Variants in TLE4 observed in about 807,000 individuals in gnomAD.
The protein encoded by TLE4 is transducin-like enhancer protein 4.
Under a neutral mutation model 92.8 loss-of-function variants are expected in TLE4, and 8 were observed. The ratio of observed to expected loss-of-function variants is 0.09; its 90% confidence interval spans 0.05 to 0.16. The LOEUF is 0.16. Ranked by LOEUF, TLE4 falls within the 10% of genes least tolerant of loss-of-function variation. The probability of loss-of-function intolerance (pLI) is 1.00; values close to 1 mark genes in which losing one functional copy is unlikely to be tolerated. For synonymous variants in TLE4, 371 were observed against 374.1 expected (o/e 0.99, Z 0.10); for missense variants, 675 against 997.6 (o/e 0.68, Z 4.36).
intron 6 of TLE4, among the ~76,000 whole-genome samples, chr9:79,651,285 G>A (rs2058938887): frequency 6.6e-6 from 1 of 152,118 alleles, no homozygotes; most frequent in Admixed American, 6.6e-5. Context: ...TTCCTATTGA[G>A]TAATACATTT....
At chr9:79,655,993 C>G (rs1251947445) in intron 8 of TLE4, among the ~76,000 whole-genome samples, 1 of 152,124 alleles carries the variant, frequency 6.6e-6, no homozygotes, top group South Asian at 2.1e-4. Flanking sequence ...AAATGAGTAT[C>G]TGTATAGCTA....
intron 4 of TLE4, among the ~76,000 whole-genome samples, chr9:79,606,377 T>G (rs2046974574): frequency 1.3e-5 from 2 of 149,846 alleles, no homozygotes; most frequent in African/African-American, 4.9e-5. Context: ...GTGTGTGTTT[T>G]TTTTTTTTTT....
intron 8 of TLE4, among the ~76,000 whole-genome samples, chr9:79,683,335 C>A (rs910255720): frequency 6.6e-6 from 1 of 152,064 alleles, no homozygotes; most frequent in Non-Finnish European, 1.5e-5. Flanking sequence ...TGGTTTATGT[C>A]CCCTTTTTGA....
intron 8 of TLE4, among the ~76,000 whole-genome samples, chr9:79,667,748 C>T (rs1236848532): frequency 6.6e-6 from 1 of 152,136 alleles, no homozygotes; most frequent in East Asian, 1.9e-4. Flanking sequence ...TACACGACCC[C>T]ACCCTCAATC....
At chr9:79,712,305 C>T (rs1002305699) in intron 14 of TLE4, among the ~76,000 whole-genome samples, 8 of 152,020 alleles carry the variant, frequency 5.3e-5, no homozygotes, top group East Asian at 1.9e-4. Flanking sequence ...AGCATGAAGA[C>T]GTATAAAGTT....
At chr9:79,696,418 G>T (rs944063062) in intron 8 of TLE4, among the ~76,000 whole-genome samples, 1 of 152,136 alleles carries the variant, frequency 6.6e-6, no homozygotes, top group African/African-American at 2.4e-5. Context: ...TAGCCCTTTT[G>T]TGGTGATATG....
chr9:79,604,471 G>A (rs954556883), intron 4 of TLE4, among the ~76,000 whole-genome samples: 2 of 152,148 alleles, frequency 1.3e-5, no homozygotes, highest in African/African-American at 4.8e-5. Context: ...GGATTGTAAG[G>A]ATGTTTTGGT....
chr9:79,649,056 C>T (rs2058522252), intron 6 of TLE4, among the ~76,000 whole-genome samples: 1 of 152,124 alleles, frequency 6.6e-6, no homozygotes, highest in African/African-American at 2.4e-5. Context: ...CTGTCTATGA[C>T]TGCAGATACA....
intron 4 of TLE4, 44 bp downstream of exon 4, chr9:79,576,221 G>A: frequency 7.4e-7 from 1 of 1,354,614 alleles, no homozygotes; most frequent in Non-Finnish European, 1.0e-6. Flanking sequence ...AGTAATACTG[G>A]GACACTATGA....
chr9:79,586,267 G>A (rs1452940703), intron 4 of TLE4, among the ~76,000 whole-genome samples: 1 of 151,916 alleles, frequency 6.6e-6, no homozygotes, highest in African/African-American at 2.4e-5. Context: ...GGGGGCTGAG[G>A]CAGGAGAATC....
At chr9:79,707,197 G>GT in intron 11 of TLE4, 1 of 1,612,796 alleles carries the variant, frequency 6.2e-7, no homozygotes, top group Non-Finnish European at 8.5e-7. Context: ...TACAGAGATG[G>GT]TTTTGTCGCC....
At chr9:79,704,588 C>G (rs1376770934) in intron 8 of TLE4, 195 bp from the exon 9 acceptor site, 2 of 623,730 alleles carry the variant, frequency 3.2e-6, no homozygotes, top group East Asian at 2.9e-5. Flanking sequence ...TCCCCCTTGT[C>G]TTTTGCTACT....
At chr9:79,605,388 C>T (rs2046569652) in intron 4 of TLE4, among the ~76,000 whole-genome samples, 1 of 152,118 alleles carries the variant, frequency 6.6e-6, no homozygotes. Flanking sequence ...AACTGGATGT[C>T]TGGCACAATG....
chr9:79,676,021 G>A (rs2063194286), intron 8 of TLE4, among the ~76,000 whole-genome samples: 1 of 152,114 alleles, frequency 6.6e-6, no homozygotes, highest in Non-Finnish European at 1.5e-5. Context: ...TGCTCAACCT[G>A]TACTGGCCAC....
At chr9:79,721,676 T>C (rs1194584939) in intron 16 of TLE4, 65 bp from the exon 17 acceptor site, 1 of 1,603,658 alleles carries the variant, frequency 6.2e-7, no homozygotes, top group Non-Finnish European at 8.5e-7. Context: ...CATCAAGGAA[T>C]TCTAAATTGA....
rs746656900 is a variant in TLE4 at position 79,595,849 on chromosome 9, C to CT, written c.253-16790dup. Among the ~76,000 whole-genome samples the CT allele has an allele frequency of 8.8e-3, 1,223 of 138,590 alleles. 27 individuals carry two copies. In the East Asian group the frequency reaches 0.11, roughly 13 times the overall value. 90.9% of individuals were successfully genotyped at this position (138,590 alleles called of 152,430 possible). A position where few individuals can be genotyped will look rare whatever the true frequency, so the allele number is the denominator to read the frequency against. Reference sequence around the variant, plus strand: ...TTTGTTTTTCATTTTTTGCCATCTACTTTTTTTTTTTTTTTTTGAGACGGA... The same window carrying CT: ...TTTGTTTTTCATTTTTTGCCATCTACTTTTTTTTTTTTTTTTTTGAGACGGA... On this transcript the variant is annotated intron_variant, in intron 4 of 19. Coordinates refer to ENST00000376552, the MANE Select transcript of TLE4 (RefSeq NM_007005.6).
At chr9:79,662,034 T>A (rs1432733228) in intron 8 of TLE4, among the ~76,000 whole-genome samples, 1 of 152,192 alleles carries the variant, frequency 6.6e-6, no homozygotes, top group Non-Finnish European at 1.5e-5. Context: ...TCCTTCACAC[T>A]GTTTAATATT....
chr9:79,656,447 C>T (rs1340561461), intron 8 of TLE4, among the ~76,000 whole-genome samples: 2 of 152,112 alleles, frequency 1.3e-5, no homozygotes, highest in East Asian at 3.8e-4. Flanking sequence ...CTTTCCTCTT[C>T]TAATGTGCAA....
chr9:79,616,207 G>A (rs1172176498), intron 5 of TLE4, among the ~76,000 whole-genome samples: 1 of 152,166 alleles, frequency 6.6e-6, no homozygotes, highest in Non-Finnish European at 1.5e-5. Context: ...GATGATGACA[G>A]TTGGATCTGG....
Sources: gnomAD v4.1 joint callset for allele counts (sites outside exome capture counted in the v4.1 genomes callset) on GRCh38, gnomAD v4.1.1 for gene constraint, MANE v1.5 for transcripts, NCBI Gene and HGNC (gene_info 2026-07-23, HGNC 2026-07-21) for gene names.